Variants in CCZ1 observed in about 807,000 individuals in gnomAD.
The protein encoded by CCZ1 is CCZ1 vacuolar protein trafficking and biogenesis associated, also known as vacuolar fusion protein CCZ1 homolog.
CCZ1 carries 19 observed loss-of-function variants against 57.8 expected under a neutral mutation model. That is an observed-to-expected ratio of 0.33 (90% CI 0.23 to 0.48). The LOEUF is 0.48. Ranked by LOEUF, CCZ1 falls within the 20% of genes least tolerant of loss-of-function variation. The probability of loss-of-function intolerance (pLI) is 0.99; values close to 1 mark genes in which losing one functional copy is unlikely to be tolerated. For synonymous variants in CCZ1, 81 were observed against 167.0 expected (o/e 0.49, Z 3.97); for missense variants, 200 against 492.0 (o/e 0.41, Z 5.61).
intron 10 of CCZ1, among the ~76,000 whole-genome samples, 178 bp downstream of exon 10, chr7:5,913,132 C>G (rs904694823): frequency 1.4e-5 from 2 of 147,578 alleles, no homozygotes; most frequent in African/African-American, 5.0e-5. Flanking sequence ...TTTTCAGCTC[C>G]TTTTAAACAG....
chr7:5,910,706 T>TTTTAATTTA (rs1781951150), intron 8 of CCZ1, among the ~76,000 whole-genome samples: 1 of 123,688 alleles, frequency 8.1e-6, no homozygotes. Flanking sequence ...ATGTATTTTA[T>TTTTAATTTA]TTTATTTATT....
Position 5,905,126 on chromosome 7 carries a change from C to T in CCZ1, c.555C>T (p.Asp185=). 6.3e-7 allele frequency: 1 copy of T among 1,596,434 alleles called. No homozygotes were observed. Among genetic ancestry groups the T allele is most frequent in the East Asian group, 2.5e-5 (1 of 40,756 alleles). ...YLQTLHLQSC[D]LLDIFGGISF... is the part of the protein sequence containing the mutation. ...AAACGCTACATTTGCAGTCATGTGA[C>T]CTACTTGACATTTTTGGTGGAATCA... The change falls in exon 7 of 15, where the codon GAC becomes GAT. Residue 185 remains aspartate (D), a synonymous_variant. Coordinates refer to ENST00000325974, the MANE Select transcript of CCZ1 (RefSeq NM_015622.6).
In CCZ1 at chr7:5,921,144, T is replaced by G. The variant is rs188708792; in HGVS notation, c.1106+1178T>G. Reference sequence around the variant, plus strand: ...CTGGGTTTTACCATGTTGGTCAGACTGGTCTCGAACTCCTGACCTCGTGAT... The same window carrying G: ...CTGGGTTTTACCATGTTGGTCAGACGGGTCTCGAACTCCTGACCTCGTGAT... On this transcript the variant is annotated intron_variant, in intron 12 of 14. Coordinates refer to ENST00000325974, the MANE Select transcript of CCZ1 (RefSeq NM_015622.6). Among the ~76,000 whole-genome samples, 1,159 of 122,406 alleles carry G rather than the reference T, an allele frequency of 9.5e-3. 6 individuals carry two copies. Among genetic ancestry groups the G allele is most frequent in the African/African-American group, 0.037 (1,088 of 29,234 alleles). 80.3% of individuals were successfully genotyped at this position (122,406 alleles called of 152,430 possible).
At chr7:5,899,858 C>T (rs1781642000) in intron 1 of CCZ1, among the ~76,000 whole-genome samples, 1 of 150,848 alleles carries the variant, frequency 6.6e-6, no homozygotes, top group Non-Finnish European at 1.5e-5. Flanking sequence ...ATGGGCACAC[C>T]TTTATTTCTT....
chr7:5,908,462 T>A (rs1195835517), intron 7 of CCZ1, among the ~76,000 whole-genome samples: 2 of 148,494 alleles, frequency 1.3e-5, no homozygotes, highest in African/African-American at 2.5e-5. Flanking sequence ...CACTTCAACC[T>A]GCGCCTCCCA....
chr7:5,902,828 A>C, intron 6 of CCZ1, 84 bp downstream of exon 6: 1 of 1,494,126 alleles, frequency 6.7e-7, no homozygotes, highest in Non-Finnish European at 8.9e-7. Flanking sequence ...TTTGTTTCTT[A>C]TATACAAAAA....
In CCZ1 at chr7:5,900,541, C is replaced by G; in HGVS notation, c.287C>G (p.Pro96Arg). Residue 96 changes from proline to arginine, a missense_variant, in exon 3 of 15, where the codon CCA (proline) becomes CGA (arginine). Physicochemically the swap from Pro to Arg is moderately radical, Grantham distance 103 (BLOSUM62 -2). Coordinates refer to ENST00000325974, the MANE Select transcript of CCZ1 (RefSeq NM_015622.6). ...AAGAACAGACAGTTCTTCAATGAACCAGAAGAAAATTTCTGGATGGTCATG... is the reference window on the plus strand; with the variant it reads ...AAGAACAGACAGTTCTTCAATGAACGAGAAGAAAATTTCTGGATGGTCATG... ...TQKNRQFFNE[P>R]EENFWMVMVV... 1 of 1,601,656 alleles carries G rather than the reference C, an allele frequency of 6.2e-7. No individual in the cohort carries two copies. Among genetic ancestry groups the G allele is most frequent in the Non-Finnish European group, 8.5e-7 (1 of 1,178,100 alleles).
At chr7:5,913,980 C>T (rs1181411640) in intron 10 of CCZ1, among the ~76,000 whole-genome samples, 1 of 137,532 alleles carries the variant, frequency 7.3e-6, no homozygotes, top group African/African-American at 2.6e-5. Flanking sequence ...GAACTGAGAC[C>T]TTCATCCTAC....
At chr7:5,913,646 GCAACCCTGTGCTAAGGCAAGGACCCA>G (rs886655569) in intron 10 of CCZ1, among the ~76,000 whole-genome samples, 7 of 146,702 alleles carry the variant, frequency 4.8e-5, no homozygotes, top group Non-Finnish European at 7.5e-5. Flanking sequence ...AATATGAGTG[GCAACCCTGTGCTAAGGCAAGGACCCA>G]CAGCCCTGTG....
intron 7 of CCZ1, among the ~76,000 whole-genome samples, chr7:5,906,194 G>A (rs1781816232): frequency 6.7e-6 from 1 of 148,312 alleles, no homozygotes; most frequent in African/African-American, 2.5e-5. Flanking sequence ...TGACCCCTGA[G>A]AGCTGGGTGG....
rs1781901910 is a variant in CCZ1 at position 5,909,053 on chromosome 7, G to A, written c.699-982G>A. On this transcript the variant is annotated intron_variant, in intron 7 of 14. Transcript: ENST00000325974. The stretch of plus-strand genomic sequence containing the variant: ...AAAATGAAACAGTGTGGCTTTGGAG[G>A]TTTCCTGCATAATCCTACACGGAAT... Among the ~76,000 whole-genome samples, 2 of 146,044 alleles carry A rather than the reference G, an allele frequency of 1.4e-5. 1 individual carries two copies. Among genetic ancestry groups the A allele is most frequent in the South Asian group, 4.6e-4 (2 of 4,384 alleles).
chr7:5,906,173 C>T (rs1190720294), intron 7 of CCZ1, among the ~76,000 whole-genome samples: 1 of 148,022 alleles, frequency 6.8e-6, no homozygotes, highest in Admixed American at 6.7e-5. Context: ...CACAAGACTG[C>T]CCAGCATATG....
intron 5 of CCZ1, 66 bp from the exon 6 acceptor site, chr7:5,902,595 C>T: frequency 6.6e-7 from 1 of 1,509,792 alleles, no homozygotes. Context: ...AAAAAAAGAA[C>T]TTGTTATACT....
At chr7:5,910,510 G>A (rs1781944286) in intron 8 of CCZ1, among the ~76,000 whole-genome samples, 1 of 146,790 alleles carries the variant, frequency 6.8e-6, no homozygotes, top group Non-Finnish European at 1.5e-5. Flanking sequence ...TGTATTTTTA[G>A]TAGAGACAGG....
At chr7:5,903,617 G>A (rs1279648295) in intron 6 of CCZ1, among the ~76,000 whole-genome samples, 1 of 132,766 alleles carries the variant, frequency 7.5e-6, no homozygotes, top group East Asian at 2.8e-4. Context: ...TTCTGTTCTT[G>A]TCCTCATTTC....
intron 7 of CCZ1, among the ~76,000 whole-genome samples, chr7:5,908,821 C>T (rs1224399278): frequency 6.9e-6 from 1 of 143,962 alleles, no homozygotes; most frequent in Non-Finnish European, 1.5e-5. Context: ...CTTCCTGCCT[C>T]ATTTCAGATC....
rs1781848604 is a variant in CCZ1 at position 5,907,118 on chromosome 7, C to G, written c.698+1849C>G. ...TCAAAGGATCCGCCCACCTTGGCCT[C>G]CCAGTGCTGGGATTACAGGTGTGAG... On this transcript the variant is annotated intron_variant, in intron 7 of 14. Coordinates refer to ENST00000325974, the MANE Select transcript of CCZ1 (RefSeq NM_015622.6). 1.3e-5 allele frequency among the ~76,000 whole-genome samples: 2 copies of G among 149,702 alleles called. 1 individual carries two copies. Among genetic ancestry groups the G allele is most frequent in the Admixed American group, 1.3e-4 (2 of 15,138 alleles).
intron 12 of CCZ1, among the ~76,000 whole-genome samples, chr7:5,921,011 G>C (rs1779232262): frequency 1.1e-5 from 1 of 90,006 alleles, no homozygotes; most frequent in East Asian, 2.8e-4. Context: ...GTGTGCAATG[G>C]TCTGTTCTCA....
chr7:5,899,858 C>CT (rs1029995591), intron 1 of CCZ1, among the ~76,000 whole-genome samples: 1 of 150,848 alleles, frequency 6.6e-6, no homozygotes, highest in Non-Finnish European at 1.5e-5. Context: ...ATGGGCACAC[C>CT]TTTATTTCTT....
Sources: gnomAD v4.1 joint callset for allele counts (sites outside exome capture counted in the v4.1 genomes callset) on GRCh38, gnomAD v4.1.1 for gene constraint, MANE v1.5 for transcripts, NCBI Gene and HGNC (gene_info 2026-07-23, HGNC 2026-07-21) for gene names.